Variants in SLC4A8 observed in about 807,000 individuals in gnomAD.
SLC4A8 encodes the protein electroneutral sodium bicarbonate exchanger 1.
A neutral mutation model predicts 125.0 loss-of-function variants in SLC4A8; 40 were observed. The observed-to-expected ratio is 0.32, with a 90% confidence interval of 0.25 to 0.42. The LOEUF is 0.42. Ranked by LOEUF, SLC4A8 falls within the 10% of genes least tolerant of loss-of-function variation. The pLI is 1.00. For synonymous variants in SLC4A8, 456 were observed against 476.0 expected (o/e 0.96, Z 0.55); for missense variants, 863 against 1,355.1 (o/e 0.64, Z 5.70).
At chr12:51,477,635 C>T (rs1950893677) in intron 16 of SLC4A8, among the ~76,000 whole-genome samples, 1 of 152,176 alleles carries the variant, frequency 6.6e-6, no homozygotes, top group African/African-American at 2.4e-5. Context: ...TTTTACCATA[C>T]CACATGATGA....
At chr12:51,425,599 G>A (rs1014310161) in intron 1 of SLC4A8, among the ~76,000 whole-genome samples, 1 of 152,264 alleles carries the variant, frequency 6.6e-6, no homozygotes, top group East Asian at 1.9e-4. Context: ...TGCAAACTGG[G>A]CTGAGGATGT....
intron 12 of SLC4A8, among the ~76,000 whole-genome samples, chr12:51,470,133 T>C (rs1471056982): frequency 1.3e-5 from 2 of 152,172 alleles, no homozygotes; most frequent in African/African-American, 4.8e-5. Flanking sequence ...TTCTGTATAT[T>C]TTCAAATACT....
chr12:51,505,431 A>G (rs995973953), intron 23 of SLC4A8, among the ~76,000 whole-genome samples: 1 of 152,246 alleles, frequency 6.6e-6, no homozygotes, highest in African/African-American at 2.4e-5. Flanking sequence ...TGAATAGAAG[A>G]GATTTGGCTG....
intron 15 of SLC4A8, 122 bp downstream of exon 15, chr12:51,474,569 A>G: frequency 6.9e-7 from 1 of 1,455,614 alleles, no homozygotes; most frequent in Non-Finnish European, 9.2e-7. Flanking sequence ...AAAGCTTTTT[A>G]AAAAACAATT....
chr12:51,459,067 T>C (rs1950239828), intron 7 of SLC4A8, among the ~76,000 whole-genome samples: 1 of 152,252 alleles, frequency 6.6e-6, no homozygotes, highest in Non-Finnish European at 1.5e-5. Flanking sequence ...TTGAGGACTG[T>C]GACTTTGGTA....
At chr12:51,440,410 G>GTTT (rs11333373) in intron 1 of SLC4A8, among the ~76,000 whole-genome samples, 1 of 144,766 alleles carries the variant, frequency 6.9e-6, no homozygotes. Context: ...TTCTCTCTCT[G>GTTT]TTTTTTTTTT....
chr12:51,474,329 T>A lies in SLC4A8; in HGVS notation c.1905-13T>A. On this transcript the variant is annotated splice_polypyrimidine_tract_variant and intron_variant, in intron 14 of 24. Coordinates refer to ENST00000453097, the MANE Select transcript of SLC4A8 (RefSeq NM_001039960.3). ...CTGTTTTCCTCAGGAATCTTTTTAATTTTTCCCCTCAGCTGCAGGTGTACT... is the reference window on the plus strand; with the variant it reads ...CTGTTTTCCTCAGGAATCTTTTTAAATTTTCCCCTCAGCTGCAGGTGTACT... 1.3e-6 allele frequency: 2 copies of A among 1,529,670 alleles called. No homozygotes were observed. The highest frequency in any genetic ancestry group is 1.8e-6 in the Non-Finnish European group (2 of 1,111,594). 94.8% of individuals were successfully genotyped at this position (1,529,670 alleles called of 1,614,324 possible).
chr12:51,481,307 A>C (rs773263149), intron 16 of SLC4A8, among the ~76,000 whole-genome samples: 2 of 152,000 alleles, frequency 1.3e-5, no homozygotes, highest in African/African-American at 2.4e-5. Context: ...GAAACTCACA[A>C]CTTTCCAGTC....
Position 51,489,766 on chromosome 12 carries a change from G to A in SLC4A8, c.2515G>A (p.Gly839Ser). 1 of 1,614,108 alleles carries A rather than the reference G, an allele frequency of 6.2e-7. No individual in the cohort carries two copies. The highest frequency in any genetic ancestry group is 8.5e-7 in the Non-Finnish European group (1 of 1,180,010). ...AIMLGVCSIM[G>S]LPWFVAATVL... ...CATGCTGGGTGTCTGCTCCATCATG[G>A]GCCTGCCCTGGTTTGTAGCTGCAAC... is the stretch of plus-strand genomic sequence containing the variant. The change falls in exon 19 of 25, where the codon GGC becomes AGC. Residue 839 changes from glycine (G) to serine (S), a missense_variant. By Grantham distance (56) the Gly-to-Ser change is moderately conservative. Around this residue, in one of 6 missense-constraint regions of SLC4A8, gnomAD observed 197 missense variants for 377.7 expected, o/e 0.52. Transcript: ENST00000453097.
chr12:51,479,945 A>C (rs1426451126), intron 16 of SLC4A8: 3 of 408,218 alleles, frequency 7.3e-6, no homozygotes, highest in Non-Finnish European at 1.4e-5. Context: ...CTGTTTCTAC[A>C]AGGCCAAGTT....
intron 19 of SLC4A8, among the ~76,000 whole-genome samples, chr12:51,491,881 C>G (rs921001757): frequency 6.6e-6 from 1 of 152,008 alleles, no homozygotes; most frequent in Admixed American, 6.6e-5. Context: ...TTTTTACTGA[C>G]CAGTGACTTG....
rs982667416 is a variant in SLC4A8 at position 51,510,041 on chromosome 12, G to T, written c.*2603G>T. On this transcript the variant is annotated 3_prime_UTR_variant, in exon 25 of 25. Coordinates refer to ENST00000453097, the MANE Select transcript of SLC4A8 (RefSeq NM_001039960.3). ...GCATGGTGATTACCAGTCACTCTAGGGATTGTAGGTCCCAACAGCGGTTCC... is the reference window on the plus strand; with the variant it reads ...GCATGGTGATTACCAGTCACTCTAGTGATTGTAGGTCCCAACAGCGGTTCC... The T allele has an allele frequency of 2.0e-5, 3 of 152,256 alleles. No individual in the cohort carries two copies. Among genetic ancestry groups the T allele is most frequent in the Non-Finnish European group, 2.9e-5 (2 of 68,080 alleles). The allele number at this position is 152,256 out of a possible 1,614,324, so 9.4% of individuals were successfully genotyped here.
At chr12:51,440,945 A>G in intron 2 of SLC4A8, 156 bp downstream of exon 2, 1 of 948,658 alleles carries the variant, frequency 1.1e-6, no homozygotes, top group Non-Finnish European at 1.5e-6. Flanking sequence ...TGGTAAATAA[A>G]AGTGGGGATA....
intron 16 of SLC4A8, chr12:51,480,428 T>TA: frequency 9.0e-7 from 1 of 1,113,786 alleles, no homozygotes; most frequent in Non-Finnish European, 1.1e-6. Context: ...AGTGGAATAA[T>TA]ACGTGGATTG....
rs869058430 is a variant in SLC4A8, at chr12:51,400,726, TTATATA to T, written c.-112+9285_-112+9290del. 6.3e-3 allele frequency among the ~76,000 whole-genome samples: 264 copies of T among 41,808 alleles called. 1 individual carries two copies. The highest frequency in any genetic ancestry group is 8.8e-3 in the Admixed American group (24 of 2,738). 27.4% of individuals were successfully genotyped at this position (41,808 alleles called of 152,430 possible). On this transcript the variant is annotated intron_variant, in intron 1 of 24. Transcript: ENST00000358657. ...TTGAGAGGAGTGTGAATGAACTCCT[TTATATA>T]TATATATATATATATATATATATAT... is the stretch of plus-strand genomic sequence containing the variant.
At chr12:51,394,970 G>A (rs1179234295) in intron 1 of SLC4A8, among the ~76,000 whole-genome samples, 1 of 152,024 alleles carries the variant, frequency 6.6e-6, no homozygotes. Context: ...TAGAGGCTGC[G>A]GCGAGCTGTG....
intron 1 of SLC4A8, chr12:51,392,868 A>G (rs1195483735): frequency 6.6e-6 from 1 of 152,136 alleles, no homozygotes; most frequent in African/African-American, 2.4e-5. Flanking sequence ...CCTTAGCAAC[A>G]GAGAAGGAGC....
chr12:51,504,336 G>T (rs1938073783), intron 23 of SLC4A8, among the ~76,000 whole-genome samples: 3 of 152,234 alleles, frequency 2.0e-5, no homozygotes, highest in South Asian at 2.1e-4. Context: ...ATCACAAGAA[G>T]AGAGGTAAGA....
Position 51,424,997 on chromosome 12 carries a change from G to A in SLC4A8, c.10G>A (p.Ala4Thr), listed in dbSNP as rs1948912963. MPAAGSNEPDGVLS... is the reference protein window; with the variant it reads MPATGSNEPDGVLS... ...CTAGTTCGGCTCCGCCATGCCGGCC[G>A]CCGGGAGTAACGAGCCGGACGGCGT... is the stretch of plus-strand genomic sequence containing the variant. The change falls in exon 1 of 25, where the codon GCC (alanine) becomes ACC (threonine). Residue 4 changes from alanine to threonine, a missense_variant. Around this residue, in one of 6 missense-constraint regions of SLC4A8, gnomAD observed 104 missense variants for 116.4 expected, o/e 0.89. Coordinates refer to ENST00000453097, the MANE Select transcript of SLC4A8 (RefSeq NM_001039960.3). The A allele has an allele frequency of 1.9e-6, 3 of 1,555,280 alleles. No individual in the cohort carries two copies. Among genetic ancestry groups the A allele is most frequent in the Admixed American group, 3.9e-5 (2 of 51,890 alleles).
Sources: gnomAD v4.1 joint callset for allele counts (sites outside exome capture counted in the v4.1 genomes callset) on GRCh38, gnomAD v4.1.1 for gene constraint, gnomAD v4.1.1 regional missense constraint, MANE v1.5 for transcripts, NCBI Gene and HGNC (gene_info 2026-07-23, HGNC 2026-07-21) for gene names.